The following RNF10 variants were observed in gnomAD, a reference collection of about 807,000 sequenced individuals.
The protein encoded by RNF10 is E3 ubiquitin-protein ligase RNF10.
A neutral mutation model predicts 91.4 loss-of-function variants in RNF10; 38 were observed. The observed-to-expected ratio is 0.42, with a 90% CI of 0.32 to 0.54. RNF10 has a LOEUF of 0.54. Among genes scored for constraint, RNF10 ranks in the 20% least tolerant of loss-of-function variants. RNF10 has a pLI of 0.16. For missense variants in RNF10, 945 were observed against 1,012.0 expected, an observed-to-expected ratio of 0.93 and a Z score of 0.90; for synonymous variants, 364 against 366.3, an observed-to-expected ratio of 0.99 and a Z score of 0.07.
intron 3 of RNF10, among the ~76,000 whole-genome samples, chr12:120,553,072 T>G (rs1438744638): frequency 1.7e-3 from 10 of 5,808 alleles, no homozygotes; most frequent in African/African-American, 3.7e-3. Flanking sequence ...TTTTTTTTTT[T>G]TTTTTTTTTT....
At chr12:120,575,209 C>G (rs1877227427) in intron 14 of RNF10, 1 of 172,610 alleles carries the variant, frequency 5.8e-6, no homozygotes, top group South Asian at 1.4e-4. Flanking sequence ...GCACGCCAGC[C>G]TGGGCAACAA....
intron 4 of RNF10, among the ~76,000 whole-genome samples, chr12:120,556,862 A>G (rs1479637741): frequency 6.6e-6 from 1 of 151,960 alleles, no homozygotes; most frequent in East Asian, 1.9e-4. Flanking sequence ...TTAAAGAGCT[A>G]TCATACAAAG....
intron 4 of RNF10, among the ~76,000 whole-genome samples, chr12:120,556,158 G>A (rs570880433): frequency 6.6e-6 from 1 of 152,164 alleles, no homozygotes; most frequent in East Asian, 1.9e-4. Flanking sequence ...CCCCTTGTTG[G>A]TCCTAGTAGG....
chr12:120,534,758 G>T lies in RNF10; in HGVS notation c.-54G>T. ...CCGGCCCTGAACGCCATGAGCCTGGGTCCCCGCCGCGCCCGCTCCGCTCCG... is the reference window on the plus strand; with the variant it reads ...CCGGCCCTGAACGCCATGAGCCTGGTTCCCCGCCGCGCCCGCTCCGCTCCG... On this transcript the variant is annotated 5_prime_UTR_variant, in exon 1 of 17. Coordinates refer to ENST00000325954, the MANE Select transcript of RNF10 (RefSeq NM_014868.5). 6.6e-7 allele frequency: 1 copy of T among 1,515,168 alleles called. No individual in the cohort carries two copies. Among genetic ancestry groups the T allele is most frequent in the African/African-American group, 1.4e-5 (1 of 70,150 alleles). The allele number at this position is 1,515,168 out of a possible 1,614,324, so 93.9% of individuals were successfully genotyped here. A position where few individuals can be genotyped will look rare whatever the true frequency, so the allele number is the denominator to read the frequency against.
chr12:120,542,964 A>G (rs1385234128), intron 1 of RNF10, among the ~76,000 whole-genome samples: 1 of 152,136 alleles, frequency 6.6e-6, no homozygotes, highest in Non-Finnish European at 1.5e-5. Context: ...GCCATTTCAC[A>G]TGGTTTAGAT....
At position 120,575,930 on chromosome 12, in the gene RNF10, C is replaced by G; in HGVS notation, c.2339C>G (p.Ala780Gly). Reference sequence around the variant, plus strand: ...GCCTTCATGAAACTGGACACACCAGCTACTTCAGATCCCCTCTCTGGTAAG... The same window carrying G: ...GCCTTCATGAAACTGGACACACCAGGTACTTCAGATCCCCTCTCTGGTAAG... ...EAAFMKLDTP[A>G]TSDPLSEEKG... The change falls in exon 16 of 17, where the codon GCT (alanine) becomes GGT (glycine). Residue 780 changes from alanine to glycine, a missense_variant. By Grantham distance (60) the Ala-to-Gly change is moderately conservative. Transcript: ENST00000325954. The G allele has an allele frequency of 6.2e-7, 1 of 1,613,884 alleles. No individual in the cohort carries two copies. The highest frequency in any genetic ancestry group is 1.3e-5 in the African/African-American group (1 of 75,036).
chr12:120,554,410 C>G (rs1388289008), intron 3 of RNF10: 1 of 289,734 alleles, frequency 3.5e-6, no homozygotes, highest in Admixed American at 5.1e-5. Flanking sequence ...GAGAGGAAAT[C>G]TGGCTTACTG....
Position 120,563,411 on chromosome 12 carries a change from C to T in RNF10, c.1319C>T (p.Pro440Leu). The T allele has an allele frequency of 6.2e-7, 1 of 1,614,122 alleles. No individual in the cohort carries two copies. Among genetic ancestry groups the T allele is most frequent in the Non-Finnish European group, 8.5e-7 (1 of 1,180,016 alleles). ...ACGGAAGTTTGTTCTCTGGACACTC[C>T]TTCTAGACCTCTTGCTCTCCCTCTG... Reference protein sequence around the residue: ...ETTEVCSLDTPSRPLALPLVE... With the variant: ...ETTEVCSLDTLSRPLALPLVE... Residue 440 changes from proline (P) to leucine (L), a missense_variant, in exon 9 of 17, where the codon CCT (proline) becomes CTT (leucine). Physicochemically the swap from Pro to Leu is moderately conservative, Grantham distance 98 (BLOSUM62 -3). Coordinates refer to ENST00000325954, the MANE Select transcript of RNF10 (RefSeq NM_014868.5).
intron 2 of RNF10, among the ~76,000 whole-genome samples, chr12:120,548,826 G>A (rs1354057818): frequency 6.6e-6 from 1 of 151,778 alleles, no homozygotes; most frequent in African/African-American, 2.4e-5. Context: ...CCACCACCAC[G>A]CCCGGCTAAT....
chr12:120,549,775 A>C (rs1049856428), intron 2 of RNF10, among the ~76,000 whole-genome samples: 4 of 152,158 alleles, frequency 2.6e-5, no homozygotes, highest in Non-Finnish European at 5.9e-5. Flanking sequence ...ACAGAGCAAG[A>C]CTCCATCTCC....
chr12:120,575,794 G>A lies in RNF10; in HGVS notation c.2203G>A (p.Glu735Lys). Reference protein sequence around the residue: ...VWPKTAPKKDENSLVPPAPVD... With the variant: ...VWPKTAPKKDKNSLVPPAPVD... ...GTTTTAACACTGGTATTTTTTAGAT[G>A]AGAACAGCTTAGTTCCTCCTGCCCC... The change falls in exon 16 of 17, where the codon GAG (glutamate) becomes AAG (lysine). Residue 735 changes from glutamate (E) to lysine (K), a missense_variant and splice_region_variant. By Grantham distance (56) the Glu-to-Lys change is moderately conservative. Coordinates refer to ENST00000325954, the MANE Select transcript of RNF10 (RefSeq NM_014868.5). 8.7e-6 allele frequency: 14 copies of A among 1,614,140 alleles called. No homozygotes were observed. The highest frequency in any genetic ancestry group is 1.2e-5 in the Non-Finnish European group (14 of 1,179,992).
At chr12:120,557,098 A>G (rs1738356578) in intron 4 of RNF10, among the ~76,000 whole-genome samples, 184 bp from the exon 5 acceptor site, 1 of 150,212 alleles carries the variant, frequency 6.7e-6, no homozygotes, top group African/African-American at 2.4e-5. Context: ...AAAAAAAAAA[A>G]AAAGAAAAAA....
intron 7 of RNF10, among the ~76,000 whole-genome samples, chr12:120,562,271 C>CTTTTTTTTTTT (rs71076634): frequency 1.0e-5 from 1 of 100,104 alleles, no homozygotes; most frequent in Non-Finnish European, 1.8e-5. Context: ...TTCTTTCTTT[C>CTTTTTTTTTTT]TTTTTTTTTT....
chr12:120,534,952 G>A lies in RNF10; in HGVS notation c.141G>A (p.Glu47=), dbSNP rs374593114. 1.7e-4 allele frequency: 280 copies of A among 1,600,578 alleles called. No homozygotes were observed. The highest frequency in any genetic ancestry group is 2.4e-4 in the Non-Finnish European group (278 of 1,179,042). The stretch of plus-strand genomic sequence containing the variant: ...CCGCCTCGGCGGGGCCAGCCGGCGA[G>A]TCTAAACCCAAGAGCGGTAAGGACG... ...PRSASAGPAG[E]SKPKSDGKNS... The change falls in exon 1 of 17, where the codon GAG becomes GAA. Residue 47 remains glutamate, a synonymous_variant. Transcript: ENST00000325954.
intron 1 of RNF10, among the ~76,000 whole-genome samples, chr12:120,536,438 G>C (rs1870813509): frequency 6.6e-6 from 1 of 151,926 alleles, no homozygotes; most frequent in Non-Finnish European, 1.5e-5. Flanking sequence ...ACAGTAAAAA[G>C]AAAACTAAGG....
At position 120,563,570 on chromosome 12, in the gene RNF10, C is replaced by T. The variant is rs1460441695; in HGVS notation, c.1478C>T (p.Thr493Ile). 1 of 1,613,394 alleles carries T rather than the reference C, an allele frequency of 6.2e-7. No individual in the cohort carries two copies. The highest frequency in any genetic ancestry group is 8.5e-7 in the Non-Finnish European group (1 of 1,179,626). Residue 493 changes from threonine (T) to isoleucine (I), a missense_variant, in exon 9 of 17, where the codon ACC (threonine) becomes ATC (isoleucine). By Grantham distance (89) the Thr-to-Ile change is moderately conservative. Coordinates refer to ENST00000325954, the MANE Select transcript of RNF10 (RefSeq NM_014868.5). ...GAGTCCAGCCAGCAGGAACCCATCACCAAGTCAGGCTTCACACGCCTCAGC... is the reference window on the plus strand; with the variant it reads ...GAGTCCAGCCAGCAGGAACCCATCATCAAGTCAGGCTTCACACGCCTCAGC... ...CTESSQQEPI[T>I]KSGFTRLSSS...
chr12:120,563,130 A>G (rs1875148940), intron 8 of RNF10, 60 bp downstream of exon 8: 1 of 1,609,056 alleles, frequency 6.2e-7, no homozygotes, highest in African/African-American at 1.3e-5. Context: ...TTGAGCTGGT[A>G]GGCATTACTG....
Position 120,576,782 on chromosome 12 carries a change from G to C in RNF10, c.*116G>C, listed in dbSNP as rs368045439. ...ATTTGAGTTTGAACAGATTAGCTCT[G>C]GGGGGAGGGGGTTTCCACAATGTGA... On this transcript the variant is annotated 3_prime_UTR_variant, in exon 17 of 17. Coordinates refer to ENST00000325954, the MANE Select transcript of RNF10 (RefSeq NM_014868.5). The C allele has an allele frequency of 3.2e-5, 45 of 1,400,916 alleles. 1 individual carries two copies. The Middle Eastern group carries it at 7.5e-4, about 23-fold the overall frequency. 86.8% of individuals were successfully genotyped at this position (1,400,916 alleles called of 1,614,324 possible).
chr12:120,563,922 T>G lies in RNF10; in HGVS notation c.1644T>G (p.Ile548Met), dbSNP rs1372289743. The change falls in exon 10 of 17, where the codon ATT becomes ATG. Residue 548 changes from isoleucine (I) to methionine (M), a missense_variant. By Grantham distance (10) the Ile-to-Met change is conservative. Coordinates refer to ENST00000325954, the MANE Select transcript of RNF10 (RefSeq NM_014868.5). ...AGATCTCAGCAACTGTGGTGGAGAT[T>G]GCTGGCTACTCCATGTCTGAGGTGA... ...PEKISATVVEIAGYSMSEDVR... is the reference protein window; with the variant it reads ...PEKISATVVEMAGYSMSEDVR... 1.2e-6 allele frequency: 2 copies of G among 1,614,138 alleles called. No homozygotes were observed. The highest frequency in any genetic ancestry group is 2.2e-5 in the East Asian group (1 of 44,892).
Sources: allele counts gnomAD v4.1 joint callset (sites outside exome capture counted in the v4.1 genomes callset), GRCh38; gene constraint gnomAD v4.1.1; transcripts MANE v1.5; gene names NCBI Gene and HGNC (gene_info 2026-07-23, HGNC 2026-07-21).